Variants in PCDHGA7 observed in about 807,000 individuals in gnomAD.
PCDHGA7 encodes the protein protocadherin gamma-A7.
Under a neutral mutation model 58.3 loss-of-function variants are expected in PCDHGA7, and 44 were observed. That is an observed-to-expected ratio of 0.75 (90% CI 0.59 to 0.97). PCDHGA7 has a LOEUF of 0.97. Ranked by LOEUF, PCDHGA7 falls within the 50% of genes least tolerant of loss-of-function variation. The pLI is 0.00. For synonymous variants in PCDHGA7, 516 were observed against 504.2 expected, an observed-to-expected ratio of 1.02 and a Z score of -0.31; for missense variants, 1,266 against 1,188.7, an observed-to-expected ratio of 1.06 and a Z score of -0.96.
intron 1 of PCDHGA7, chr5:141,399,958 G>C: frequency 1.2e-6 from 2 of 1,612,122 alleles, no homozygotes; most frequent in Middle Eastern, 3.8e-4. Context: ...TAGCGAGCCC[G>C]GGCTCTTCAG....
rs1256615029 is a variant in PCDHGA7 at position 141,512,740 on chromosome 5, C to T, written c.*1567C>T. ...GCGGGTGGGCAGCGGGCGGCGGGCT[C>T]CGCGCAGCCGTCTGTCCTTGATCTG... On this transcript the variant is annotated 3_prime_UTR_variant, in exon 4 of 4. Transcript: ENST00000518325. 1 of 152,788 alleles carries T rather than the reference C, an allele frequency of 6.5e-6. No individual in the cohort carries two copies. The highest frequency in any genetic ancestry group is 1.5e-5 in the Non-Finnish European group (1 of 68,570). The allele number at this position is 152,788 out of a possible 1,614,324, so 9.5% of individuals were successfully genotyped here.
Position 141,491,842 on chromosome 5 carries a change from T to C in PCDHGA7, c.2425-2965T>C, listed in dbSNP as rs551615550. The C allele has an allele frequency of 7.5e-6, 11 of 1,464,162 alleles. No homozygotes were observed. In the South Asian group the frequency reaches 1.3e-4, roughly 17 times the overall value. 90.7% of individuals were successfully genotyped at this position (1,464,162 alleles called of 1,614,324 possible). ...GCGCTCCACCCGATTCTCGGGATCA[T>C]TGGACCGTTTGCGCGAAACCAGAGT... On this transcript the variant is annotated intron_variant, in intron 1 of 3. Transcript: ENST00000518325. The surrounding 1 kb of genome is among the most constrained non-coding windows in gnomAD (Gnocchi z 6.9).
chr5:141,393,408 G>T (rs2092753153), intron 1 of PCDHGA7: 1 of 1,614,022 alleles, frequency 6.2e-7, no homozygotes, highest in East Asian at 2.2e-5. Context: ...GCTGGAGCGC[G>T]CCCTGGACAG....
chr5:141,418,773 A>G, intron 1 of PCDHGA7: 2 of 1,613,904 alleles, frequency 1.2e-6, no homozygotes, highest in Non-Finnish European at 1.7e-6. Flanking sequence ...CTAACTCAGC[A>G]GCCTTTGGAT....
At chr5:141,458,728 T>A (rs1010109573) in intron 1 of PCDHGA7, among the ~76,000 whole-genome samples, 1 of 151,870 alleles carries the variant, frequency 6.6e-6, no homozygotes, top group Non-Finnish European at 1.5e-5. Context: ...CGCCACCACA[T>A]CCAGCTATTG....
intron 1 of PCDHGA7, chr5:141,399,474 C>T (rs1282833757): frequency 6.2e-7 from 1 of 1,614,032 alleles, no homozygotes; most frequent in South Asian, 1.1e-5. Flanking sequence ...CGGTTTTCCA[C>T]CAGGCGTCCT....
At chr5:141,447,163 G>T (rs11167747) in intron 1 of PCDHGA7, among the ~76,000 whole-genome samples, 6,233 of 151,894 alleles carry the variant, frequency 0.041, 196 homozygotes, top group Admixed American at 0.075. Flanking sequence ...TGTTTAAGCG[G>T]GGTCTTGCTC....
At position 141,499,673 on chromosome 5, in the gene PCDHGA7, C is replaced by A. The variant is rs1193484216; in HGVS notation, c.2483+4808C>A. Among the ~76,000 whole-genome samples the A allele has an allele frequency of 2.7e-5, 4 of 150,550 alleles. No individual in the cohort carries two copies. In the East Asian group the frequency reaches 7.8e-4, roughly 29 times the overall value. On this transcript the variant is annotated intron_variant, in intron 2 of 3. Transcript: ENST00000518325. ...CATATAATTTCATCTTGGTCTCCACCATCTTTAACAGATGACTTTTTTTTT... is the reference window on the plus strand; with the variant it reads ...CATATAATTTCATCTTGGTCTCCACAATCTTTAACAGATGACTTTTTTTTT...
At chr5:141,480,591 T>G (rs557048485) in intron 1 of PCDHGA7, among the ~76,000 whole-genome samples, 1 of 138,080 alleles carries the variant, frequency 7.2e-6, no homozygotes, top group South Asian at 2.2e-4. Flanking sequence ...GCCGCTCTTC[T>G]GGTCAGCCTG....
Position 141,384,448 on chromosome 5 carries a change from C to A in PCDHGA7, c.1549C>A (p.Leu517Met), listed in dbSNP as rs1780101973. The change falls in exon 1 of 4, where the codon CTG (leucine) becomes ATG (methionine). Residue 517 changes from leucine (L) to methionine (M), a missense_variant. Physicochemically the swap from Leu to Met is conservative, Grantham distance 15. Transcript: ENST00000518325. ...INSDTGVLYA[L>M]QSFDYEQLRE... ...CTCTGACACTGGAGTCCTGTACGCG[C>A]TGCAATCCTTTGATTATGAGCAGTT... 2 of 1,614,070 alleles carry A rather than the reference C, an allele frequency of 1.2e-6. No homozygotes were observed. Among genetic ancestry groups the A allele is most frequent in the Non-Finnish European group, 1.7e-6 (2 of 1,179,924 alleles).
chr5:141,394,004 A>C (rs1220367944), intron 1 of PCDHGA7: 3 of 1,613,496 alleles, frequency 1.9e-6, no homozygotes. Flanking sequence ...TAGAAAAGTC[A>C]ATAGGTAATT....
At chr5:141,398,882 G>C in intron 1 of PCDHGA7, 1 of 1,613,930 alleles carries the variant, frequency 6.2e-7, no homozygotes, top group Non-Finnish European at 8.5e-7. Flanking sequence ...GTCAGCCTTC[G>C]GGAAAACGTG....
chr5:141,490,157 G>A lies in PCDHGA7; in HGVS notation c.2425-4650G>A. 6.2e-7 allele frequency: 1 copy of A among 1,614,210 alleles called. No homozygotes were observed. On this transcript the variant is annotated intron_variant, in intron 1 of 3. Transcript: ENST00000518325. The surrounding 1 kb of genome is among the most constrained non-coding windows in gnomAD (Gnocchi z 5.4). ...AGCAGTGGGGCAATCCATGTGTTGG[G>A]TCCCATAGACTTTGAGGAGTCACGT...
At chr5:141,450,509 G>A (rs2098683055) in intron 1 of PCDHGA7, among the ~76,000 whole-genome samples, 1 of 151,878 alleles carries the variant, frequency 6.6e-6, no homozygotes, top group African/African-American at 2.4e-5. Flanking sequence ...GTTTTGAGAT[G>A]GAGTCTCATT....
chr5:141,430,933 G>C (rs2097327058), intron 1 of PCDHGA7: 1 of 1,607,608 alleles, frequency 6.2e-7, no homozygotes, highest in East Asian at 2.2e-5. Flanking sequence ...AGCCCCGGGA[G>C]CTCGCGGAGC....
chr5:141,400,448 A>G (rs750585724), intron 1 of PCDHGA7: 1 of 1,614,078 alleles, frequency 6.2e-7, no homozygotes, highest in Non-Finnish European at 8.5e-7. Flanking sequence ...TCAGGACAAG[A>G]CATACTTTGT....
At chr5:141,509,411 AGCC>A (rs2099876675) in intron 3 of PCDHGA7, among the ~76,000 whole-genome samples, 2 of 152,098 alleles carry the variant, frequency 1.3e-5, no homozygotes, top group Admixed American at 1.3e-4. Flanking sequence ...TCCAGCAGCG[AGCC>A]CCAATGAGTC....
In PCDHGA7 at chr5:141,385,005, C is replaced by A. The variant is rs754312286; in HGVS notation, c.2106C>A (p.Cys702Ter). 6.8e-6 allele frequency: 11 copies of A among 1,614,138 alleles called. No individual in the cohort carries two copies. The highest frequency in any genetic ancestry group is 4.4e-5 in the South Asian group (4 of 91,082). Residue 702 changes from cysteine (C) to a stop codon, truncating the protein, a stop_gained, in exon 1 of 4, where the codon TGC (cysteine) becomes TGA (stop). Coordinates refer to ENST00000518325, the MANE Select transcript of PCDHGA7 (RefSeq NM_018920.4). LOFTEE classifies it high-confidence loss of function. The stretch of plus-strand genomic sequence containing the variant: ...TGGTGGCGGTGGCCACAGTCTCCTG[C>A]GTCTTCCTAGCCTTCGTCCTCGTAC... ...YLVVAVATVS[C>*]VFLAFVLVLL...
In PCDHGA7 at chr5:141,491,667, G is replaced by C. The variant is rs746903142; in HGVS notation, c.2425-3140G>C. The C allele has an allele frequency of 3.7e-6, 6 of 1,613,678 alleles. No individual in the cohort carries two copies. The South Asian group carries it at 6.6e-5, about 18-fold the overall frequency. On this transcript the variant is annotated intron_variant, in intron 1 of 3. Transcript: ENST00000518325. This position sits in a 1 kb window ranked among gnomAD's most constrained non-coding sequence, Gnocchi z 6.9. Reference sequence around the variant, plus strand: ...TGGCGCTGGAGCCTGACGCCATCCGGTCCCGCTCTAATACGCTGCGGGAGC... The same window carrying C: ...TGGCGCTGGAGCCTGACGCCATCCGCTCCCGCTCTAATACGCTGCGGGAGC...
Sources: allele counts gnomAD v4.1 joint callset (sites outside exome capture counted in the v4.1 genomes callset), GRCh38; gene constraint gnomAD v4.1.1; non-coding constraint Gnocchi (gnomAD v3.1); transcripts MANE v1.5; gene names NCBI Gene and HGNC (gene_info 2026-07-23, HGNC 2026-07-21).